The following RNMT variants were observed in gnomAD, a reference collection of about 807,000 sequenced individuals.
The protein encoded by RNMT is RNA guanine-7 methyltransferase.
A neutral mutation model predicts 56.0 loss-of-function variants in RNMT; 27 were observed. The observed-to-expected ratio is 0.48, with a 90% CI of 0.36 to 0.67. The LOEUF is 0.67. Ranked by LOEUF, RNMT falls within the 30% of genes least tolerant of loss-of-function variation. RNMT has a pLI of 0.00. For missense variants in RNMT, 519 were observed against 552.1 expected (o/e 0.94, Z 0.60); for synonymous variants, 184 against 176.2 (o/e 1.04, Z -0.35).
intron 9 of RNMT, among the ~76,000 whole-genome samples, chr18:13,749,436 C>G (rs2044404633): frequency 6.6e-6 from 1 of 152,244 alleles, no homozygotes; most frequent in Admixed American, 6.5e-5. Flanking sequence ...TCTAAAACAG[C>G]AAATAAATAG....
chr18:13,734,922 CTTGAT>C (rs1335606497), intron 4 of RNMT, among the ~76,000 whole-genome samples: 1 of 151,996 alleles, frequency 6.6e-6, no homozygotes, highest in South Asian at 2.1e-4. Context: ...TAGGCAGTGT[CTTGAT>C]TTGTTTAGGC....
At chr18:13,735,117 A>G (rs1479516833) in intron 4 of RNMT, among the ~76,000 whole-genome samples, 91 of 152,322 alleles carry the variant, frequency 6.0e-4, no homozygotes, top group Non-Finnish European at 7.4e-5. Context: ...TAAAAAAAAG[A>G]ATATAATTAT....
At chr18:13,750,863 G>A (rs1258477080) in intron 9 of RNMT, among the ~76,000 whole-genome samples, 11 of 152,188 alleles carry the variant, frequency 7.2e-5, no homozygotes, top group African/African-American at 2.6e-4. Context: ...AAGCAATGGA[G>A]AAAGGATTCC....
intron 1 of RNMT, among the ~76,000 whole-genome samples, chr18:13,728,430 G>T (rs1208599914): frequency 6.8e-6 from 1 of 146,454 alleles, no homozygotes; most frequent in African/African-American, 2.6e-5. Context: ...CCACCTCCCG[G>T]GTTCAAGCGA....
Position 13,745,173 on chromosome 18 carries a change from G to A in RNMT, c.1140-1047G>A, listed in dbSNP as rs551342191. Reference sequence around the variant, plus strand: ...AGGCAGCATTCCTTTACAGATGAATGTCTTCGAGACCATGTTCTGTATCCT... The same window carrying A: ...AGGCAGCATTCCTTTACAGATGAATATCTTCGAGACCATGTTCTGTATCCT... On this transcript the variant is annotated intron_variant, in intron 8 of 11. Transcript: ENST00000383314. Among the ~76,000 whole-genome samples, 5 of 152,300 alleles carry A rather than the reference G, an allele frequency of 3.3e-5. No individual in the cohort carries two copies. In the South Asian group the frequency reaches 1.0e-3, roughly 32 times the overall value.
At chr18:13,728,331 TGTGTG>T (rs1346434271) in intron 1 of RNMT, among the ~76,000 whole-genome samples, 1 of 6,086 alleles carries the variant, frequency 1.6e-4, no homozygotes, top group African/African-American at 6.3e-4. Context: ...TTTTTTTTTT[TGTGTG>T]TGTGTGTGTG....
At chr18:13,759,099 C>T (rs780849142) in intron 11 of RNMT, among the ~76,000 whole-genome samples, 19 of 152,100 alleles carry the variant, frequency 1.2e-4, no homozygotes, top group Non-Finnish European at 2.1e-4. Context: ...GATTACAGAT[C>T]ATCATGACAA....
At chr18:13,756,638 A>G (rs2044548860) in intron 11 of RNMT, among the ~76,000 whole-genome samples, 1 of 152,238 alleles carries the variant, frequency 6.6e-6, no homozygotes, top group East Asian at 1.9e-4. Context: ...TACTAGCCAC[A>G]TTTCATTTCA....
At chr18:13,734,245 C>T (rs577254845) in intron 3 of RNMT, among the ~76,000 whole-genome samples, 1 of 152,262 alleles carries the variant, frequency 6.6e-6, no homozygotes, top group East Asian at 1.9e-4. Flanking sequence ...GTCTCCGGTA[C>T]GTCTTTAGCA....
Position 13,761,921 on chromosome 18 carries a change from G to C in RNMT, c.*1942G>C. On this transcript the variant is annotated 3_prime_UTR_variant, in exon 12 of 12. Coordinates refer to ENST00000383314, the MANE Select transcript of RNMT (RefSeq NM_003799.3). ...CTGGATATTGACTTAAGAACTGTTAGGAAGAGGACTAGAAAAGGCTTCCCC... is the reference window on the plus strand; with the variant it reads ...CTGGATATTGACTTAAGAACTGTTACGAAGAGGACTAGAAAAGGCTTCCCC... The C allele has an allele frequency of 8.0e-7, 1 of 1,256,572 alleles. No homozygotes were observed. The highest frequency in any genetic ancestry group is 1.0e-6 in the Non-Finnish European group (1 of 984,442). 77.8% of individuals were successfully genotyped at this position (1,256,572 alleles called of 1,614,324 possible). A position where few individuals can be genotyped will look rare whatever the true frequency, so the allele number is the denominator to read the frequency against.
Position 13,739,150 on chromosome 18 carries a change from A to G in RNMT, c.680-1017A>G, listed in dbSNP as rs765460028. Among the ~76,000 whole-genome samples, 5 of 152,352 alleles carry G rather than the reference A, an allele frequency of 3.3e-5. No individual in the cohort carries two copies. The East Asian group carries it at 9.6e-4, about 29-fold the overall frequency. Reference sequence around the variant, plus strand: ...TCATTCAAGTCAAAATAATTTTCTCAGAAAAAAAGTGGCCAGTACAGCTCA... The same window carrying G: ...TCATTCAAGTCAAAATAATTTTCTCGGAAAAAAAGTGGCCAGTACAGCTCA... On this transcript the variant is annotated intron_variant, in intron 5 of 11. Transcript: ENST00000383314.
At position 13,731,709 on chromosome 18, in the gene RNMT, T is replaced by A. The variant is rs2044072427; in HGVS notation, c.192T>A (p.Asp64Glu). 6.2e-7 allele frequency: 1 copy of A among 1,613,366 alleles called. No homozygotes were observed. The highest frequency in any genetic ancestry group is 8.5e-7 in the Non-Finnish European group (1 of 1,179,892). ...CAAGAAAGAGAAAAGAGTTTGAAGA[T>A]GATCTTGTAAAGGAAAGTTCTAGTT... is the stretch of plus-strand genomic sequence containing the variant. Reference protein sequence around the residue: ...DIARKRKEFEDDLVKESSSCG... With the variant: ...DIARKRKEFEEDLVKESSSCG... The change falls in exon 3 of 12, where the codon GAT (aspartate) becomes GAA (glutamate). Residue 64 changes from aspartate (D) to glutamate (E), a missense_variant. Physicochemically the swap from Asp to Glu is conservative, Grantham distance 45 (BLOSUM62 2). Transcript: ENST00000383314.
intron 9 of RNMT, among the ~76,000 whole-genome samples, chr18:13,749,857 C>G (rs1045215578): frequency 6.8e-6 from 1 of 148,102 alleles, no homozygotes; most frequent in Non-Finnish European, 1.5e-5. Flanking sequence ...TAAACCCGGC[C>G]TAAGTGATCC....
intron 11 of RNMT, among the ~76,000 whole-genome samples, chr18:13,757,403 C>T (rs2044561534): frequency 1.3e-5 from 2 of 152,160 alleles, no homozygotes; most frequent in African/African-American, 4.8e-5. Flanking sequence ...ATTGGAGTCA[C>T]TCCTCTGAAA....
At position 13,762,057 on chromosome 18, in the gene RNMT, T is replaced by C. The variant is rs2044627372; in HGVS notation, c.*2078T>C. The C allele has an allele frequency of 6.5e-7, 1 of 1,536,110 alleles. No individual in the cohort carries two copies. Among genetic ancestry groups the C allele is most frequent in the Non-Finnish European group, 8.7e-7 (1 of 1,146,882 alleles). Reference sequence around the variant, plus strand: ...TATTCAGGACTTACGGTAACTATTATGAGGGAGGCATGGCTTTCCACCGTC... The same window carrying C: ...TATTCAGGACTTACGGTAACTATTACGAGGGAGGCATGGCTTTCCACCGTC... On this transcript the variant is annotated 3_prime_UTR_variant, in exon 12 of 12. Coordinates refer to ENST00000383314, the MANE Select transcript of RNMT (RefSeq NM_003799.3).
At chr18:13,746,992 T>C (rs1415407373) in intron 9 of RNMT, among the ~76,000 whole-genome samples, 1 of 152,174 alleles carries the variant, frequency 6.6e-6, no homozygotes, top group African/African-American at 2.4e-5. Context: ...CAGCCATTGA[T>C]TGTTTTTCCT....
intron 9 of RNMT, among the ~76,000 whole-genome samples, chr18:13,751,437 G>C (rs765539583): frequency 3.3e-5 from 5 of 152,240 alleles, no homozygotes; most frequent in Non-Finnish European, 7.3e-5. Flanking sequence ...ACGCCAGTTA[G>C]AATGGCGATC....
chr18:13,731,835 A>G lies in RNMT; in HGVS notation c.318A>G (p.Lys106=), dbSNP rs907876132. 4 of 1,613,448 alleles carry G rather than the reference A, an allele frequency of 2.5e-6. No individual in the cohort carries two copies. In the African/African-American group the frequency reaches 5.3e-5, roughly 22 times the overall value. ...CTGAAGGCAATTCAAAGAAAAGAAA[A>G]AGAGAAACTGAGGATGTTCCAAAAG... is the stretch of plus-strand genomic sequence containing the variant. ...GDAEGNSKKR[K]RETEDVPKDK... The change falls in exon 3 of 12, where the codon AAA becomes AAG. Residue 106 remains lysine (K), a synonymous_variant. Coordinates refer to ENST00000383314, the MANE Select transcript of RNMT (RefSeq NM_003799.3).
Position 13,761,044 on chromosome 18 carries a change from A to G in RNMT, c.*1065A>G, listed in dbSNP as rs891952874. 1 of 985,276 alleles carries G rather than the reference A, an allele frequency of 1.0e-6. No homozygotes were observed. Among genetic ancestry groups the G allele is most frequent in the Non-Finnish European group, 1.2e-6 (1 of 829,860 alleles). 61.0% of individuals were successfully genotyped at this position (985,276 alleles called of 1,614,324 possible). A position where few individuals can be genotyped will look rare whatever the true frequency, so the allele number is the denominator to read the frequency against. Reference sequence around the variant, plus strand: ...TAGTGAAAAACTTCAAGAATGAAGCAGAGCAATTGAGTATTCTTTTTTAAA... The same window carrying G: ...TAGTGAAAAACTTCAAGAATGAAGCGGAGCAATTGAGTATTCTTTTTTAAA... On this transcript the variant is annotated 3_prime_UTR_variant, in exon 12 of 12. Transcript: ENST00000383314.
Sources: allele counts gnomAD v4.1 joint callset (sites outside exome capture counted in the v4.1 genomes callset), GRCh38; gene constraint gnomAD v4.1.1; transcripts MANE v1.5; gene names NCBI Gene and HGNC (gene_info 2026-07-23, HGNC 2026-07-21).